CNTNAP2: variants seen among roughly 807,000 people sequenced by gnomAD.
CNTNAP2 encodes contactin associated protein 2.
A neutral mutation model predicts 155.2 loss-of-function variants in CNTNAP2; 98 were observed. The ratio of observed to expected loss-of-function variants is 0.63; its 90% CI spans 0.54 to 0.75. CNTNAP2 has a LOEUF of 0.75. Among genes scored for constraint, CNTNAP2 ranks in the 30% least tolerant of loss-of-function variants. CNTNAP2 has a pLI of 0.00. For missense variants in CNTNAP2, 1,727 were observed against 1,688.1 expected (o/e 1.02, Z -0.40); for synonymous variants, 651 against 631.2 (o/e 1.03, Z -0.47).
chr7:148,322,228 CTG>C (rs1797802035), intron 21 of CNTNAP2, among the ~76,000 whole-genome samples: 1 of 152,134 alleles, frequency 6.6e-6, no homozygotes, highest in East Asian at 1.9e-4. Flanking sequence ...CAGCCAAGAA[CTG>C]TAAATTCTTA....
chr7:147,200,721 C>G (rs1802905394), intron 8 of CNTNAP2, among the ~76,000 whole-genome samples: 1 of 152,322 alleles, frequency 6.6e-6, no homozygotes. Context: ...ATGGAGAAGT[C>G]TCTCCCAACA....
intron 1 of CNTNAP2, among the ~76,000 whole-genome samples, chr7:146,718,011 T>G (rs1377128508): frequency 6.6e-6 from 1 of 152,138 alleles, no homozygotes; most frequent in Non-Finnish European, 1.5e-5. Context: ...TTTAATAACA[T>G]TATGATGGTA....
chr7:147,767,577 ATTG>A, intron 13 of CNTNAP2, among the ~76,000 whole-genome samples: 1 of 152,124 alleles, frequency 6.6e-6, no homozygotes, highest in South Asian at 2.1e-4. Context: ...AAATAATATT[ATTG>A]TTTATAGGGC....
At chr7:147,778,199 T>A (rs2116550415) in intron 13 of CNTNAP2, among the ~76,000 whole-genome samples, 1 of 152,358 alleles carries the variant, frequency 6.6e-6, no homozygotes, top group East Asian at 1.9e-4. Context: ...ACAGTGCCAC[T>A]GAAAATATGT....
At chr7:147,149,095 C>T (rs187311690) in intron 8 of CNTNAP2, among the ~76,000 whole-genome samples, 84 of 152,286 alleles carry the variant, frequency 5.5e-4, no homozygotes, top group African/African-American at 1.5e-3. Flanking sequence ...TATTTGACCC[C>T]GCACACATCC....
chr7:147,802,759 G>A (rs1246605617), intron 13 of CNTNAP2, among the ~76,000 whole-genome samples: 6 of 148,746 alleles, frequency 4.0e-5, no homozygotes, highest in African/African-American at 1.5e-4. Flanking sequence ...ATCAGAGGGA[G>A]ACTGTGGAAA....
intron 1 of CNTNAP2, among the ~76,000 whole-genome samples, chr7:146,263,281 GGAAGGAAGGAAGGAAGGACGGA>G (rs1799947659): frequency 6.8e-6 from 1 of 146,548 alleles, no homozygotes; most frequent in Admixed American, 6.6e-5. Context: ...GAGGGAGGAA[GGAAGGAAGGAAGGAAGGACGGA>G]AGGAAGGAAA....
chr7:147,840,299 C>T (rs922503938), intron 13 of CNTNAP2, among the ~76,000 whole-genome samples: 2 of 152,044 alleles, frequency 1.3e-5, no homozygotes, highest in Non-Finnish European at 2.9e-5. Flanking sequence ...ACTTTTACCC[C>T]CTAAATCTAT....
chr7:146,380,170 AT>A (rs1173262622), intron 1 of CNTNAP2, among the ~76,000 whole-genome samples: 1 of 152,174 alleles, frequency 6.6e-6, no homozygotes, highest in East Asian at 1.9e-4. Context: ...TCTCATAATG[AT>A]TTTGCATTTT....
intron 12 of CNTNAP2, among the ~76,000 whole-genome samples, chr7:147,605,479 G>A (rs545063810): frequency 1.3e-5 from 2 of 152,120 alleles, no homozygotes; most frequent in South Asian, 2.1e-4. Flanking sequence ...AATGCATGTC[G>A]AGCAAAGGTT....
At chr7:147,387,799 A>T (rs1375398574) in intron 9 of CNTNAP2, among the ~76,000 whole-genome samples, 2 of 152,192 alleles carry the variant, frequency 1.3e-5, no homozygotes, top group Non-Finnish European at 2.9e-5. Context: ...CTCGTTCATT[A>T]GATGGGGGTG....
chr7:146,701,947 A>G (rs1253352439), intron 1 of CNTNAP2, among the ~76,000 whole-genome samples: 6 of 152,204 alleles, frequency 3.9e-5, no homozygotes, highest in African/African-American at 1.2e-4. Context: ...TGTCAAAACA[A>G]AAGGAAGTTA....
intron 3 of CNTNAP2, among the ~76,000 whole-genome samples, chr7:146,859,994 T>C (rs1301510890): frequency 6.6e-6 from 1 of 152,194 alleles, no homozygotes; most frequent in East Asian, 1.9e-4. Flanking sequence ...ACAAGAGACT[T>C]GAGATTACCT....
intron 1 of CNTNAP2, among the ~76,000 whole-genome samples, chr7:146,521,195 T>A (rs1381198426): frequency 6.6e-6 from 1 of 151,870 alleles, no homozygotes; most frequent in Non-Finnish European, 1.5e-5. Flanking sequence ...TTTAAGCTCT[T>A]TAGGATATAA....
intron 1 of CNTNAP2, among the ~76,000 whole-genome samples, chr7:146,501,140 T>G (rs1438314420): frequency 6.6e-6 from 1 of 152,136 alleles, no homozygotes; most frequent in African/African-American, 2.4e-5. Context: ...TTGTTGAGGA[T>G]TTTTACATAC....
chr7:146,492,577 C>A (rs1271830237), intron 1 of CNTNAP2, among the ~76,000 whole-genome samples: 3 of 152,168 alleles, frequency 2.0e-5, no homozygotes, highest in Admixed American at 6.5e-5. Context: ...AACTTGTACG[C>A]AACTCTAAGA....
rs192307730 is a variant in CNTNAP2 at position 147,243,452 on chromosome 7, T to C, written c.1349-56689T>C. ...CCTCCCCCATCATTCCCAATTCACA[T>C]GACTTTCTAACTTTCTAATTGGGTG... On this transcript the variant is annotated intron_variant, in intron 8 of 23. Transcript: ENST00000361727. Among the ~76,000 whole-genome samples, 407 of 152,290 alleles carry C rather than the reference T, an allele frequency of 2.7e-3. 1 individual carries two copies. The highest frequency in any genetic ancestry group is 9.2e-3 in the African/African-American group (381 of 41,566).
At chr7:146,495,398 G>A (rs1288921494) in intron 1 of CNTNAP2, among the ~76,000 whole-genome samples, 1 of 152,046 alleles carries the variant, frequency 6.6e-6, no homozygotes, top group African/African-American at 2.4e-5. Flanking sequence ...ATTATGTCAG[G>A]GGAATTGTTT....
intron 10 of CNTNAP2, among the ~76,000 whole-genome samples, chr7:147,435,925 C>A (rs767537268): frequency 2.6e-5 from 4 of 152,146 alleles, no homozygotes; most frequent in African/African-American, 9.7e-5. Context: ...TCTTTTTACT[C>A]CTTATTTCTT....
Sources: allele counts gnomAD v4.1 joint callset (sites outside exome capture counted in the v4.1 genomes callset), GRCh38; gene constraint gnomAD v4.1.1; transcripts MANE v1.5; gene names NCBI Gene and HGNC (gene_info 2026-07-23, HGNC 2026-07-21).